SLC44A1: variants seen among roughly 807,000 people sequenced by gnomAD.
SLC44A1 encodes the protein solute carrier family 44 member 1, also known as choline transporter-like protein 1.
A neutral mutation model predicts 79.3 loss-of-function variants in SLC44A1; 26 were observed. The ratio of observed to expected loss-of-function variants is 0.33; its 90% CI spans 0.24 to 0.46. The LOEUF is 0.46. Ranked by LOEUF, SLC44A1 falls within the 20% of genes least tolerant of loss-of-function variation. SLC44A1 has a pLI of 1.00. For missense variants in SLC44A1, 688 were observed against 798.1 expected, an observed-to-expected ratio of 0.86 and a Z score of 1.66; for synonymous variants, 263 against 286.2, an observed-to-expected ratio of 0.92 and a Z score of 0.82.
rs529571146 is a variant in SLC44A1 at position 105,390,918 on chromosome 9, G to A, written c.*1862G>A. On this transcript the variant is annotated 3_prime_UTR_variant, in exon 16 of 16. Coordinates refer to ENST00000374720, the MANE Select transcript of SLC44A1 (RefSeq NM_080546.5). ...TCTAGTATCACCAAACAGTATCGCTGTTCTCTTTTATTCATTTGAAATGAA... is the reference window on the plus strand; with the variant it reads ...TCTAGTATCACCAAACAGTATCGCTATTCTCTTTTATTCATTTGAAATGAA... 1.0e-6 allele frequency: 1 copy of A among 981,608 alleles called. No homozygotes were observed. The allele number at this position is 981,608 out of a possible 1,614,324, so 60.8% of individuals were successfully genotyped here. A position where few individuals can be genotyped will look rare whatever the true frequency, so the allele number is the denominator to read the frequency against.
At chr9:105,372,433 G>A (rs903133160) in intron 12 of SLC44A1, among the ~76,000 whole-genome samples, 1 of 151,772 alleles carries the variant, frequency 6.6e-6, no homozygotes, top group Non-Finnish European at 1.5e-5. Context: ...GATTACAGGC[G>A]CATGCCAGCA....
chr9:105,405,405 G>A (rs949113735), intron 15 of SLC44A1, among the ~76,000 whole-genome samples: 1 of 150,906 alleles, frequency 6.6e-6, no homozygotes, highest in Non-Finnish European at 1.5e-5. Flanking sequence ...CCACAAAAAC[G>A]ATGATCAAAT....
Position 105,374,623 on chromosome 9 carries a change from A to T in SLC44A1, c.1520A>T (p.Asn507Ile). ...AATGCATACACAGCCACAGCTATCA[A>T]CAGCACCAACTTCTGCACCTCAGCA... The part of the protein sequence containing the change: ...NQNAYTATAI[N>I]STNFCTSAKD... Residue 507 changes from asparagine (N) to isoleucine (I), a missense_variant, in exon 13 of 16, where the codon AAC becomes ATC. Asn to Ile is a moderately radical substitution (Grantham distance 149). Coordinates refer to ENST00000374720, the MANE Select transcript of SLC44A1 (RefSeq NM_080546.5). The T allele has an allele frequency of 6.2e-7, 1 of 1,613,834 alleles. No individual in the cohort carries two copies. Among genetic ancestry groups the T allele is most frequent in the Non-Finnish European group, 8.5e-7 (1 of 1,179,948 alleles).
chr9:105,382,212 A>C (rs1476590910), intron 13 of SLC44A1, among the ~76,000 whole-genome samples: 1 of 152,078 alleles, frequency 6.6e-6, no homozygotes, highest in Non-Finnish European at 1.5e-5. Context: ...GGCATCTGTA[A>C]GTGTGTTTCC....
At chr9:105,311,943 C>T (rs957078749) in intron 3 of SLC44A1, among the ~76,000 whole-genome samples, 4 of 152,106 alleles carry the variant, frequency 2.6e-5, no homozygotes, top group African/African-American at 9.7e-5. Flanking sequence ...GCATTGGTTT[C>T]CTTCCTTTAC....
chr9:105,383,145 G>T lies in SLC44A1; in HGVS notation c.1655G>T (p.Gly552Val). ...CAGGTGCTGATAGTCTGCAGCACAG[G>T]TTTAGCTGGGATTATGCTGCTCAAC... ...LGKVLIVCST[G>V]LAGIMLLNYQ... Residue 552 changes from glycine (G) to valine (V), a missense_variant, in exon 14 of 16, where the codon GGT (glycine) becomes GTT (valine). Physicochemically the swap from Gly to Val is moderately radical, Grantham distance 109. Transcript: ENST00000374720. 6.2e-7 allele frequency: 1 copy of T among 1,613,930 alleles called. No individual in the cohort carries two copies.
At chr9:105,375,383 C>G (rs1233631789) in intron 13 of SLC44A1, among the ~76,000 whole-genome samples, 1 of 152,184 alleles carries the variant, frequency 6.6e-6, no homozygotes, top group African/African-American at 2.4e-5. Context: ...AAATAGTCTT[C>G]CTCCAGGTTA....
chr9:105,271,325 T>A (rs557674862), intron 1 of SLC44A1, among the ~76,000 whole-genome samples: 2 of 152,212 alleles, frequency 1.3e-5, no homozygotes, highest in Non-Finnish European at 2.9e-5. Flanking sequence ...ATTGCTCCTC[T>A]GGTACAGAAT....
chr9:105,371,720 CAAA>C (rs776993058), intron 12 of SLC44A1, among the ~76,000 whole-genome samples: 3 of 94,316 alleles, frequency 3.2e-5, no homozygotes, highest in East Asian at 3.6e-4. Context: ...CTCCATCTCA[CAAA>C]AAAAAAAAAA....
rs1827546134 is a variant in SLC44A1, at chr9:105,354,188, C to T, written c.501-2024C>T. Among the ~76,000 whole-genome samples the T allele has an allele frequency of 3.3e-5, 5 of 149,966 alleles. No homozygotes were observed. In the South Asian group the frequency reaches 1.1e-3, roughly 32 times the overall value. On this transcript the variant is annotated intron_variant, in intron 5 of 15. Coordinates refer to ENST00000374720, the MANE Select transcript of SLC44A1 (RefSeq NM_080546.5). ...GCCTCAGCCTCCCGAGTAGCTGGGA[C>T]TACAGGCGCCCGCTACCACGCCCGG... is the stretch of plus-strand genomic sequence containing the variant.
At chr9:105,360,706 T>C (rs990086471) in intron 7 of SLC44A1, among the ~76,000 whole-genome samples, 9 of 152,234 alleles carry the variant, frequency 5.9e-5, no homozygotes, top group Admixed American at 5.9e-4. Context: ...CATTTATTCA[T>C]TGTACAAATA....
intron 15 of SLC44A1, among the ~76,000 whole-genome samples, chr9:105,409,683 A>G (rs1050547526): frequency 4.6e-5 from 7 of 152,206 alleles, no homozygotes; most frequent in Non-Finnish European, 8.8e-5. Context: ...AAAAATAAGC[A>G]TATGTGCATC....
chr9:105,332,222 C>T (rs998135370), intron 3 of SLC44A1, among the ~76,000 whole-genome samples: 9 of 150,056 alleles, frequency 6.0e-5, no homozygotes, highest in African/African-American at 2.2e-4. Flanking sequence ...TGGGTTCAAG[C>T]GATTCTCCTG....
At chr9:105,367,251 G>A (rs1299152316) in intron 12 of SLC44A1, among the ~76,000 whole-genome samples, 1 of 152,110 alleles carries the variant, frequency 6.6e-6, no homozygotes, top group East Asian at 1.9e-4. Flanking sequence ...CTAAGTGATT[G>A]AAGAGTAGCA....
At chr9:105,288,452 G>A (rs980543953) in intron 1 of SLC44A1, among the ~76,000 whole-genome samples, 7 of 152,136 alleles carry the variant, frequency 4.6e-5, no homozygotes, top group Admixed American at 6.5e-5. Context: ...GGGCTCAAAC[G>A]ATTCTACCAC....
At chr9:105,285,851 C>T (rs921190020) in intron 1 of SLC44A1, among the ~76,000 whole-genome samples, 2 of 152,132 alleles carry the variant, frequency 1.3e-5, no homozygotes, top group South Asian at 2.1e-4. Flanking sequence ...TGGATGTATA[C>T]GTGCAGGTCA....
intron 12 of SLC44A1, among the ~76,000 whole-genome samples, chr9:105,367,166 TA>T (rs1178386950): frequency 1.3e-5 from 2 of 152,162 alleles, no homozygotes; most frequent in African/African-American, 4.8e-5. Context: ...TTCCATTCCC[TA>T]AAAATCAATT....
chr9:105,370,792 C>T (rs751095219), intron 12 of SLC44A1, among the ~76,000 whole-genome samples: 1 of 152,156 alleles, frequency 6.6e-6, no homozygotes, highest in Non-Finnish European at 1.5e-5. Flanking sequence ...GGGCAGAACA[C>T]TTTAGTTAAG....
Position 105,396,007 on chromosome 9 carries a change from CCCCAT to C in SLC44A1, c.*6954_*6958del. 1 of 984,960 alleles carries C rather than the reference CCCCAT, an allele frequency of 1.0e-6. No individual in the cohort carries two copies. Among genetic ancestry groups the C allele is most frequent in the Non-Finnish European group, 1.2e-6 (1 of 829,846 alleles). 61.0% of individuals were successfully genotyped at this position (984,960 alleles called of 1,614,324 possible). ...AACAGGGACTATTAAGTAGATTTTC[CCCCAT>C]CCTCTAGGTTCCTGTAGTCTGTGCT... On this transcript the variant is annotated 3_prime_UTR_variant, in exon 16 of 16. Transcript: ENST00000374720.
Sources: allele counts gnomAD v4.1 joint callset (sites outside exome capture counted in the v4.1 genomes callset), GRCh38; gene constraint gnomAD v4.1.1; transcripts MANE v1.5; gene names NCBI Gene and HGNC (gene_info 2026-07-23, HGNC 2026-07-21).